The following RTN4RL1 variants were observed in gnomAD, a reference collection of about 807,000 sequenced individuals.
RTN4RL1 encodes reticulon 4 receptor like 1.
Under a neutral mutation model 25.6 loss-of-function variants are expected in RTN4RL1, and 7 were observed. The ratio of observed to expected loss-of-function variants is 0.27; its 90% CI spans 0.16 to 0.51. RTN4RL1 has a LOEUF of 0.51. RTN4RL1 is among the 20% of genes least tolerant of loss of function. The pLI is 0.97. For synonymous variants in RTN4RL1, 297 were observed against 288.2 expected, an observed-to-expected ratio of 1.03 and a Z score of -0.31; for missense variants, 500 against 615.6, an observed-to-expected ratio of 0.81 and a Z score of 1.99.
intron 1 of RTN4RL1, among the ~76,000 whole-genome samples, chr17:1,960,903 A>G (rs1915881592): frequency 6.6e-6 from 1 of 151,920 alleles, no homozygotes; most frequent in Non-Finnish European, 1.5e-5. Context: ...TCTTGGCTCA[A>G]AAGTCACCTC....
chr17:2,023,960 C>G (rs1278898150), intron 1 of RTN4RL1, among the ~76,000 whole-genome samples: 1 of 152,090 alleles, frequency 6.6e-6, no homozygotes, highest in African/African-American at 2.4e-5. Context: ...ACAGCCTGCT[C>G]GGGCCTGGGA....
At chr17:2,006,182 G>C (rs1381220093) in intron 1 of RTN4RL1, among the ~76,000 whole-genome samples, 1 of 145,976 alleles carries the variant, frequency 6.9e-6, no homozygotes, top group Non-Finnish European at 1.5e-5. Flanking sequence ...TTTGGCAACA[G>C]AGCCTTGCTC....
At chr17:2,019,958 G>A (rs2067179483) in intron 1 of RTN4RL1, 1 of 152,238 alleles carries the variant, frequency 6.6e-6, no homozygotes, top group East Asian at 1.9e-4. Flanking sequence ...GTGAGAAAAT[G>A]CATGCATGGG....
At chr17:1,981,521 G>A (rs571345039) in intron 1 of RTN4RL1, among the ~76,000 whole-genome samples, 2 of 152,194 alleles carry the variant, frequency 1.3e-5, no homozygotes, top group Non-Finnish European at 2.9e-5. Flanking sequence ...CGGCTGCCTC[G>A]TGTGCAGATT....
intron 1 of RTN4RL1, chr17:2,020,109 GT>G (rs946369514): frequency 6.6e-6 from 1 of 152,186 alleles, no homozygotes; most frequent in Admixed American, 6.5e-5. Flanking sequence ...GAGAGAAGCT[GT>G]TTTGGTGAGA....
intron 1 of RTN4RL1, among the ~76,000 whole-genome samples, chr17:2,004,914 A>G (rs1236039809): frequency 1.3e-5 from 2 of 152,358 alleles, no homozygotes; most frequent in African/African-American, 4.8e-5. Flanking sequence ...GAAGGAAGTT[A>G]CCACCGCTGC....
rs1316143139 is a variant in RTN4RL1 at position 2,024,986 on chromosome 17, G to A, written c.-121C>T. 6 of 1,111,716 alleles carry A rather than the reference G, an allele frequency of 5.4e-6. No homozygotes were observed. The Admixed American group carries it at 1.1e-4, about 21-fold the overall frequency. 68.9% of individuals were successfully genotyped at this position (1,111,716 alleles called of 1,614,324 possible). Reference sequence around the variant, plus strand: ...GCGCGTCGAGGCGGGGGCAAGCCGGGGATCCGCTCGTGCCCGGTGGCCCGG... The same window carrying A: ...GCGCGTCGAGGCGGGGGCAAGCCGGAGATCCGCTCGTGCCCGGTGGCCCGG... On this transcript the variant is annotated 5_prime_UTR_variant, in exon 1 of 2. Transcript: ENST00000331238.
intron 1 of RTN4RL1, among the ~76,000 whole-genome samples, chr17:1,949,170 C>T (rs899636339): frequency 6.6e-6 from 1 of 152,186 alleles, no homozygotes; most frequent in East Asian, 1.9e-4. Flanking sequence ...CTTGTGTTAG[C>T]CAGGGTGTTC....
intron 1 of RTN4RL1, among the ~76,000 whole-genome samples, chr17:1,940,002 G>A (rs1235472545): frequency 1.3e-5 from 2 of 152,210 alleles, no homozygotes; most frequent in African/African-American, 4.8e-5. Context: ...CCAACCCTCT[G>A]GCCACTCTCG....
chr17:1,989,760 G>A (rs906515042), intron 1 of RTN4RL1, among the ~76,000 whole-genome samples: 5 of 152,092 alleles, frequency 3.3e-5, no homozygotes, highest in Admixed American at 2.6e-4. Flanking sequence ...TTTTAGTAGA[G>A]AGGGGGTTTC....
chr17:1,936,880 CTT>C lies in RTN4RL1; in HGVS notation c.940_941del (p.Lys314ValfsTer53). 2 of 1,602,336 alleles carry C rather than the reference CTT, an allele frequency of 1.2e-6. No homozygotes were observed. The highest frequency in any genetic ancestry group is 1.7e-6 in the Non-Finnish European group (2 of 1,174,422). On this transcript the variant is annotated frameshift_variant, in exon 2 of 2. Transcript: ENST00000331238. LOFTEE classifies it high-confidence loss of function. ...CTGPASPHQIKSHTLTTTDRA... is the reference protein window; with the variant it reads ...CTGPASPHQIXSHTLTTTDRA... ...TGTCGGTGGTGGTGAGCGTGTGTGA[CTT>C]GATCTGGTGCGGGGACGCTGGTCCC...
chr17:2,023,284 A>G (rs762470628), intron 1 of RTN4RL1, among the ~76,000 whole-genome samples: 7 of 152,136 alleles, frequency 4.6e-5, no homozygotes, highest in Non-Finnish European at 1.0e-4. Flanking sequence ...CTGTGCAAAG[A>G]CACTTTGGCC....
At chr17:1,954,171 T>C (rs1350509156) in intron 1 of RTN4RL1, among the ~76,000 whole-genome samples, 1 of 152,222 alleles carries the variant, frequency 6.6e-6, no homozygotes, top group Non-Finnish European at 1.5e-5. Context: ...TTCAATTACT[T>C]GTGTCCAGAA....
chr17:1,939,340 G>A lies in RTN4RL1; in HGVS notation c.14-1532C>T, dbSNP rs973639102. On this transcript the variant is annotated intron_variant, in intron 1 of 1. Transcript: ENST00000331238. ...TGCACTCCAGCCTGGGCGACAGAGC[G>A]AAACTCCGTCTCAATAAATAAATAA... Among the ~76,000 whole-genome samples, 22 of 150,790 alleles carry A rather than the reference G, an allele frequency of 1.5e-4. No homozygotes were observed. In the South Asian group the frequency reaches 2.3e-3, roughly 16 times the overall value.
In RTN4RL1 at chr17:1,972,614, C is replaced by T. The variant is rs577735340; in HGVS notation, c.14-34806G>A. ...CTTCTCCCTGGAGATTTCCTCGACC[C>T]TAGCCTGCCCCAGACTCGTGCCTGT... is the stretch of plus-strand genomic sequence containing the variant. On this transcript the variant is annotated intron_variant, in intron 1 of 1. Coordinates refer to ENST00000331238, the MANE Select transcript of RTN4RL1 (RefSeq NM_178568.4). Among the ~76,000 whole-genome samples, 3 of 152,300 alleles carry T rather than the reference C, an allele frequency of 2.0e-5. No individual in the cohort carries two copies. The East Asian group carries it at 5.8e-4, about 29-fold the overall frequency.
chr17:1,946,046 C>T (rs906208617), intron 1 of RTN4RL1, among the ~76,000 whole-genome samples: 5 of 152,146 alleles, frequency 3.3e-5, no homozygotes, highest in Non-Finnish European at 7.4e-5. Flanking sequence ...TGGTCAATCA[C>T]GGGGTGACCA....
intron 1 of RTN4RL1, among the ~76,000 whole-genome samples, chr17:1,960,377 T>C (rs1057156416): frequency 3.3e-5 from 5 of 152,090 alleles, no homozygotes; most frequent in East Asian, 1.9e-4. Flanking sequence ...TGGCTTTCCA[T>C]TGCACCAGAA....
At position 1,936,207 on chromosome 17, in the gene RTN4RL1, G is replaced by C. The variant is rs76651453; in HGVS notation, c.*289C>G. Reference sequence around the variant, plus strand: ...AATTGTCCCACTGTTGCCAGTGGAGGATGCACTTGGAGTGCCTTTTCCCAC... The same window carrying C: ...AATTGTCCCACTGTTGCCAGTGGAGCATGCACTTGGAGTGCCTTTTCCCAC... On this transcript the variant is annotated 3_prime_UTR_variant, in exon 2 of 2. Transcript: ENST00000331238. 1,569 of 1,242,510 alleles carry C rather than the reference G, an allele frequency of 1.3e-3. 15 individuals are homozygous for C. In the African/African-American group the frequency reaches 0.02, roughly 16 times the overall value. The allele number at this position is 1,242,510 out of a possible 1,614,324, so 77.0% of individuals were successfully genotyped here. A position where few individuals can be genotyped will look rare whatever the true frequency, so the allele number is the denominator to read the frequency against.
chr17:2,002,024 G>GA (rs1396700532), intron 1 of RTN4RL1, among the ~76,000 whole-genome samples: 3 of 151,392 alleles, frequency 2.0e-5, no homozygotes, highest in African/African-American at 7.3e-5. Context: ...TTTGCTTGGG[G>GA]AAGACTTGGT....
Sources: allele counts gnomAD v4.1 joint callset (sites outside exome capture counted in the v4.1 genomes callset), GRCh38; gene constraint gnomAD v4.1.1; transcripts MANE v1.5; gene names NCBI Gene and HGNC (gene_info 2026-07-23, HGNC 2026-07-21).